The following MRAP2 variants were observed in gnomAD, a reference collection of about 807,000 sequenced individuals.
MRAP2 encodes the protein melanocortin 2 receptor accessory protein 2.
In MRAP2, 20 loss-of-function variants were observed where a neutral mutation model predicts 17.4. The ratio of observed to expected loss-of-function variants is 1.15; its 90% CI spans 0.81 to 1.67. The LOEUF (loss-of-function observed/expected upper bound fraction) is 1.67, where lower values mean the gene tolerates loss of function less well. Among genes scored for constraint, MRAP2 ranks in the 40% most tolerant of loss-of-function variants. The probability of loss-of-function intolerance (pLI) is 0.00; values close to 1 mark genes in which losing one functional copy is unlikely to be tolerated. For synonymous variants in MRAP2, 96 were observed against 88.4 expected (o/e 1.09, Z -0.48); for missense variants, 238 against 240.0 (o/e 0.99, Z 0.05).
intron 3 of MRAP2, among the ~76,000 whole-genome samples, chr6:84,085,301 T>C (rs944008069): frequency 7.9e-5 from 12 of 152,020 alleles, no homozygotes; most frequent in Admixed American, 3.3e-4. Flanking sequence ...TGATCCGCCC[T>C]TCTCGGCCTC....
intron 3 of MRAP2, 100 bp downstream of exon 3, chr6:84,063,092 G>C: frequency 6.4e-7 from 1 of 1,557,616 alleles, no homozygotes; most frequent in Non-Finnish European, 8.7e-7. Flanking sequence ...TGGATGAAGA[G>C]AAGGGGGTGG....
At chr6:84,064,373 G>A (rs1052824552) in intron 3 of MRAP2, among the ~76,000 whole-genome samples, 67 of 152,168 alleles carry the variant, frequency 4.4e-4, no homozygotes, top group Non-Finnish European at 4.1e-4. Flanking sequence ...CCAGCAGCCA[G>A]AGGCTGCATC....
At chr6:84,117,270 A>T in the MRAP2 span, among the ~76,000 whole-genome samples, 1 of 152,094 alleles carries the variant, frequency 6.6e-6, no homozygotes, top group Admixed American at 6.6e-5. Flanking sequence ...TGATCCGTCC[A>T]CCTTGGCCTC....
At chr6:84,091,239 CTTT>C (rs34508361), downstream of MRAP2, among the ~76,000 whole-genome samples, 13 of 108,048 alleles carry the variant, frequency 1.2e-4, no homozygotes, top group South Asian at 2.6e-3. Context: ...AGTTTGTTAA[CTTT>C]TTTTTTTTTT....
At chr6:84,098,686 AT>A in the MRAP2 span, among the ~76,000 whole-genome samples, 1 of 152,046 alleles carries the variant, frequency 6.6e-6, no homozygotes, top group African/African-American at 2.4e-5. Context: ...GTAGTATGTC[AT>A]TTTTCAATTG....
chr6:84,112,346 A>T, the MRAP2 span, among the ~76,000 whole-genome samples: 1 of 152,106 alleles, frequency 6.6e-6, no homozygotes. Flanking sequence ...CTGTATGTGT[A>T]CAGGAAATTG....
chr6:84,119,506 TTC>T, the MRAP2 span, among the ~76,000 whole-genome samples: 1 of 152,198 alleles, frequency 6.6e-6, no homozygotes, highest in Non-Finnish European at 1.5e-5. Flanking sequence ...GGAGATCAGA[TTC>T]TCTCTCAGGG....
At chr6:84,077,491 C>G (rs1165114954) in intron 3 of MRAP2, among the ~76,000 whole-genome samples, 1 of 152,140 alleles carries the variant, frequency 6.6e-6, no homozygotes, top group East Asian at 1.9e-4. Context: ...TAGCTTATGT[C>G]TATGGTTATA....
intron 1 of MRAP2, among the ~76,000 whole-genome samples, chr6:84,052,337 G>A (rs113470580): frequency 0.02 from 2,995 of 152,194 alleles, 94 homozygotes; most frequent in African/African-American, 0.068. Context: ...CACTGCGTGG[G>A]TGGCCGAGAT....
downstream of MRAP2, among the ~76,000 whole-genome samples, chr6:84,093,058 GT>G (rs1189874997): frequency 6.6e-6 from 1 of 152,162 alleles, no homozygotes; most frequent in East Asian, 1.9e-4. Context: ...AAGGTACAAT[GT>G]GTTTTTAGCT....
At chr6:84,048,392 A>G (rs2099489574) in intron 1 of MRAP2, among the ~76,000 whole-genome samples, 2 of 152,210 alleles carry the variant, frequency 1.3e-5, no homozygotes, top group Non-Finnish European at 1.5e-5. Context: ...AATTTAAAGC[A>G]TGCTTTTCCT....
chr6:84,084,347 A>G (rs1163441278), intron 3 of MRAP2, among the ~76,000 whole-genome samples: 1 of 152,204 alleles, frequency 6.6e-6, no homozygotes, highest in African/African-American at 2.4e-5. Context: ...AGACAAAGAT[A>G]TAGTATTCCT....
rs1402521630 is a variant in MRAP2, at chr6:84,040,967, A to T, written c.-8+7084A>T. Among the ~76,000 whole-genome samples the T allele has an allele frequency of 1.3e-5, 2 of 152,204 alleles. 1 individual carries two copies. The highest frequency in any genetic ancestry group is 1.3e-4 in the Admixed American group (2 of 15,280). Reference sequence around the variant, plus strand: ...GTTGATTGCCAAGACAAAGGGGAAAATGTCTCCAGGGCATGTCGGAGACCT... The same window carrying T: ...GTTGATTGCCAAGACAAAGGGGAAATTGTCTCCAGGGCATGTCGGAGACCT... On this transcript the variant is annotated intron_variant, in intron 1 of 3. Transcript: ENST00000257776.
chr6:84,081,485 G>A (rs140325103), intron 3 of MRAP2, among the ~76,000 whole-genome samples: 8 of 152,210 alleles, frequency 5.3e-5, no homozygotes, highest in African/African-American at 1.7e-4. Flanking sequence ...CTATTCTTGT[G>A]ATAGTGAGTT....
At chr6:84,079,110 C>T (rs899766350) in intron 3 of MRAP2, among the ~76,000 whole-genome samples, 1 of 152,156 alleles carries the variant, frequency 6.6e-6, no homozygotes, top group Non-Finnish European at 1.5e-5. Flanking sequence ...TTTTCAACAA[C>T]GTTCAAAGTA....
the MRAP2 span, among the ~76,000 whole-genome samples, chr6:84,096,097 A>G: frequency 6.6e-6 from 1 of 152,102 alleles, no homozygotes; most frequent in African/African-American, 2.4e-5. Context: ...TATGGAGTAA[A>G]GTTTTTTCTT....
chr6:84,062,153 T>G (rs1409642493), intron 2 of MRAP2: 8 of 963,536 alleles, frequency 8.3e-6, no homozygotes, highest in Non-Finnish European at 9.9e-6. Context: ...GCCTCCATTA[T>G]TTGCATACTT....
intron 3 of MRAP2, among the ~76,000 whole-genome samples, chr6:84,072,132 G>A (rs1358381647): frequency 1.3e-5 from 2 of 152,120 alleles, no homozygotes; most frequent in African/African-American, 4.8e-5. Context: ...ATGATTTTTA[G>A]GGGGTGTTAA....
At chr6:84,120,403 TAGG>T in the MRAP2 span, among the ~76,000 whole-genome samples, 5 of 152,254 alleles carry the variant, frequency 3.3e-5, no homozygotes, top group East Asian at 7.7e-4. Flanking sequence ...ACCATCACAC[TAGG>T]AGAAGATAGA....
Sources: gnomAD v4.1 joint callset for allele counts (sites outside exome capture counted in the v4.1 genomes callset) on GRCh38, gnomAD v4.1.1 for gene constraint, MANE v1.5 for transcripts, NCBI Gene and HGNC (gene_info 2026-07-23, HGNC 2026-07-21) for gene names.